The following PIWIL2 variants were observed in gnomAD, a reference collection of about 807,000 sequenced individuals.
PIWIL2 encodes piwi-like protein 2.
Under a neutral mutation model 116.5 loss-of-function variants are expected in PIWIL2, and 81 were observed. The observed-to-expected ratio is 0.70, with a 90% confidence interval of 0.58 to 0.84. PIWIL2 has a LOEUF of 0.84. Ranked by LOEUF, PIWIL2 falls within the 40% of genes least tolerant of loss-of-function variation. PIWIL2 has a pLI of 0.00. For missense variants in PIWIL2, 1,272 were observed against 1,212.3 expected (o/e 1.05, Z -0.73); for synonymous variants, 489 against 429.5 (o/e 1.14, Z -1.71).
Position 22,289,880 on chromosome 8 carries a change from G to A in PIWIL2, c.1020G>A (p.Gly340=). 6.2e-7 allele frequency: 1 copy of A among 1,612,306 alleles called. No homozygotes were observed. Among genetic ancestry groups the A allele is most frequent in the Non-Finnish European group, 8.5e-7 (1 of 1,178,396 alleles). Residue 340 remains glycine, a synonymous_variant, in exon 9 of 23, where the codon GGG becomes GGA. Coordinates refer to ENST00000356766, the MANE Select transcript of PIWIL2 (RefSeq NM_018068.5). ...AACTTTTAGATATGAAGCTTGTGGG[G>A]AGAAACTTTTATGACCCTACAAGTG... is the stretch of plus-strand genomic sequence containing the variant. ...VMKLLDMKLV[G]RNFYDPTSAM... is the part of the protein sequence containing the mutation.
chr8:22,350,807 C>T (rs1832335379), intron 20 of PIWIL2, among the ~76,000 whole-genome samples: 1 of 152,080 alleles, frequency 6.6e-6, no homozygotes, highest in Non-Finnish European at 1.5e-5. Context: ...TTTGACCAGC[C>T]TGGGCAACAT....
intron 10 of PIWIL2, among the ~76,000 whole-genome samples, chr8:22,303,409 A>C (rs770087359): frequency 5.9e-5 from 9 of 152,176 alleles, no homozygotes; most frequent in Admixed American, 3.9e-4. Flanking sequence ...TAATTAATTT[A>C]GGGACAGGGC....
intron 20 of PIWIL2, among the ~76,000 whole-genome samples, chr8:22,326,681 T>C (rs903520658): frequency 4.3e-4 from 66 of 152,248 alleles, no homozygotes; most frequent in African/African-American, 1.4e-3. Flanking sequence ...ACTTTTTTCC[T>C]TTTTGTGGCT....
intron 10 of PIWIL2, among the ~76,000 whole-genome samples, chr8:22,292,838 A>G (rs896183674): frequency 5.3e-5 from 8 of 152,190 alleles, no homozygotes; most frequent in African/African-American, 1.4e-4. Flanking sequence ...GGATTTGGCT[A>G]TTATGTGTCT....
chr8:22,351,327 AAAAC>A (rs1832348458), intron 20 of PIWIL2, among the ~76,000 whole-genome samples: 1 of 149,402 alleles, frequency 6.7e-6, no homozygotes, highest in Admixed American at 6.7e-5. Context: ...CTTAAAAAAA[AAAAC>A]AAATTGAAAC....
intron 13 of PIWIL2, among the ~76,000 whole-genome samples, chr8:22,306,921 C>G (rs1831196080): frequency 6.6e-6 from 1 of 152,126 alleles, no homozygotes; most frequent in South Asian, 2.1e-4. Flanking sequence ...TCATTCATCT[C>G]AGAAGAATAA....
At chr8:22,347,490 TACAGGCGTGAG>T (rs1231528082) in intron 20 of PIWIL2, among the ~76,000 whole-genome samples, 1 of 151,164 alleles carries the variant, frequency 6.6e-6, no homozygotes, top group African/African-American at 2.4e-5. Context: ...GTGCTGGGAT[TACAGGCGTGAG>T]CCACTGTGCC....
chr8:22,311,989 C>T (rs572504958), intron 16 of PIWIL2, among the ~76,000 whole-genome samples: 6 of 151,992 alleles, frequency 3.9e-5, no homozygotes, highest in Non-Finnish European at 8.8e-5. Context: ...CAGCTGGGCG[C>T]ACAGTGGCTC....
chr8:22,335,910 C>T (rs564824805), intron 20 of PIWIL2, among the ~76,000 whole-genome samples: 129 of 152,192 alleles, frequency 8.5e-4, no homozygotes, highest in African/African-American at 2.8e-3. Context: ...CAAGGAGTGA[C>T]ATATTACAAT....
chr8:22,307,979 C>G lies in PIWIL2; in HGVS notation c.1592C>G (p.Ala531Gly), dbSNP rs758723800. ...CTGAGCCCCAAGCAACACCATAGTG[C>G]TTTGGAATGCTTGCTGCAAAGAATT... is the stretch of plus-strand genomic sequence containing the variant. Reference protein sequence around the residue: ...INLSPKQHHSALECLLQRIAK... With the variant: ...INLSPKQHHSGLECLLQRIAK... Residue 531 changes from alanine (A) to glycine (G), a missense_variant, in exon 14 of 23, where the codon GCT becomes GGT. Ala to Gly is a moderately conservative substitution (Grantham distance 60). Transcript: ENST00000356766. 1.2e-6 allele frequency: 2 copies of G among 1,613,378 alleles called. No individual in the cohort carries two copies. Among genetic ancestry groups the G allele is most frequent in the Non-Finnish European group, 8.5e-7 (1 of 1,179,600 alleles).
chr8:22,353,035 A>C lies in PIWIL2; in HGVS notation c.2480A>C (p.Asn827Thr). The C allele has an allele frequency of 1.2e-6, 2 of 1,614,004 alleles. No homozygotes were observed. The highest frequency in any genetic ancestry group is 1.7e-6 in the Non-Finnish European group (2 of 1,179,832). The change falls in exon 21 of 23, where the codon AAC (asparagine) becomes ACC (threonine). Residue 827 changes from asparagine (N) to threonine (T), a missense_variant. Transcript: ENST00000356766. Reference sequence around the variant, plus strand: ...GATGGCCAACTGAAGACAGTTGCCAACTATGAGATTCCTCAACTACAGAAG... The same window carrying C: ...GATGGCCAACTGAAGACAGTTGCCACCTATGAGATTCCTCAACTACAGAAG... ...VSDGQLKTVA[N>T]YEIPQLQKCF... is the part of the protein sequence containing the mutation.
In PIWIL2 at chr8:22,319,967, A is replaced by G. The variant is rs1196907781; in HGVS notation, c.2403+1692A>G. Among the ~76,000 whole-genome samples the G allele has an allele frequency of 5.9e-5, 9 of 152,060 alleles. No homozygotes were observed. In the East Asian group the frequency reaches 1.4e-3, roughly 23 times the overall value. ...TGGCACCAGAGATATTGCTGTGGCT[A>G]TTTTCTTTTTTTGAGACAGGGTCTC... On this transcript the variant is annotated intron_variant, in intron 20 of 22. Coordinates refer to ENST00000356766, the MANE Select transcript of PIWIL2 (RefSeq NM_018068.5).
At chr8:22,338,704 AAAT>A (rs1832037195) in intron 20 of PIWIL2, among the ~76,000 whole-genome samples, 1 of 148,564 alleles carries the variant, frequency 6.7e-6, no homozygotes, top group African/African-American at 2.4e-5. Flanking sequence ...ATAAATAAAT[AAAT>A]AAATAAATAA....
Position 22,304,168 on chromosome 8 carries a change from G to T in PIWIL2, c.1329G>T (p.Thr443=), listed in dbSNP as rs192105466. The part of the protein sequence containing the change: ...DWNKTPKDSF[T]MSDGKEITFL... ...ATAAGACTCCAAAGGATAGCTTCAC[G>T]ATGTCTGATGGGAAAGAGATCACAT... The change falls in exon 11 of 23, where the codon ACG becomes ACT. Residue 443 remains threonine, a synonymous_variant. Coordinates refer to ENST00000356766, the MANE Select transcript of PIWIL2 (RefSeq NM_018068.5). The T allele has an allele frequency of 3.1e-6, 5 of 1,613,612 alleles. No homozygotes were observed. The highest frequency in any genetic ancestry group is 3.4e-6 in the Non-Finnish European group (4 of 1,179,654).
At chr8:22,331,603 A>T (rs1831863532) in intron 20 of PIWIL2, among the ~76,000 whole-genome samples, 1 of 152,238 alleles carries the variant, frequency 6.6e-6, no homozygotes, top group South Asian at 2.1e-4. Context: ...AAACTACAGT[A>T]ACTGAAATTA....
chr8:22,314,653 G>A (rs1365778791), intron 17 of PIWIL2, among the ~76,000 whole-genome samples: 3 of 152,122 alleles, frequency 2.0e-5, no homozygotes, highest in Non-Finnish European at 2.9e-5. Flanking sequence ...CTTGTTCCGA[G>A]GTTGAGTCAC....
chr8:22,279,523 G>A lies in PIWIL2; in HGVS notation c.137G>A (p.Gly46Asp). 1.2e-6 allele frequency: 2 copies of A among 1,614,174 alleles called. No homozygotes were observed. The highest frequency in any genetic ancestry group is 1.1e-5 in the South Asian group (1 of 91,088). ...GCTCTGGGCAGGGGAGCACCTGCAG[G>A]CAGAGGCCATGTATTTGGAAAGCCA... ...DPALGRGAPA[G>D]RGHVFGKPEE... is the part of the protein sequence containing the mutation. Residue 46 changes from glycine to aspartate, a missense_variant, in exon 2 of 23, where the codon GGC (glycine) becomes GAC (aspartate). Transcript: ENST00000356766.
intron 20 of PIWIL2, among the ~76,000 whole-genome samples, chr8:22,330,849 C>T (rs1298991546): frequency 6.6e-6 from 1 of 151,994 alleles, no homozygotes; most frequent in Non-Finnish European, 1.5e-5. Context: ...TTTTCTATTT[C>T]TTGGCAAGCA....
chr8:22,331,880 T>C (rs1392811390), intron 20 of PIWIL2, among the ~76,000 whole-genome samples: 1 of 152,074 alleles, frequency 6.6e-6, no homozygotes, highest in African/African-American at 2.4e-5. Flanking sequence ...TAAGATCTTA[T>C]GTGTAAAAAA....
Sources: allele counts gnomAD v4.1 joint callset (sites outside exome capture counted in the v4.1 genomes callset), GRCh38; gene constraint gnomAD v4.1.1; transcripts MANE v1.5; gene names NCBI Gene and HGNC (gene_info 2026-07-23, HGNC 2026-07-21).